The following GRM5 variants were observed in gnomAD, a reference collection of about 807,000 sequenced individuals.
The protein encoded by GRM5 is glutamate metabotropic receptor 5.
GRM5 carries 19 observed loss-of-function variants against 83.1 expected under a neutral mutation model. That is an observed-to-expected ratio of 0.23 (90% CI 0.16 to 0.34). The LOEUF (loss-of-function observed/expected upper bound fraction) is 0.34. GRM5 is among the 10% of genes least tolerant of loss of function. The probability of loss-of-function intolerance (pLI) is 1.00; values close to 1 mark genes in which losing one functional copy is unlikely to be tolerated. For missense variants in GRM5, 1,160 were observed against 1,588.3 expected, an observed-to-expected ratio of 0.73 and a Z score of 4.58; for synonymous variants, 675 against 633.6, an observed-to-expected ratio of 1.07 and a Z score of -0.98.
intron 2 of GRM5, among the ~76,000 whole-genome samples, chr11:88,938,231 T>A (rs963943286): frequency 6.6e-6 from 1 of 151,772 alleles, no homozygotes; most frequent in Non-Finnish European, 1.5e-5. Flanking sequence ...ATATTTATAA[T>A]GAGAAGTGTG....
intron 3 of GRM5, among the ~76,000 whole-genome samples, chr11:88,755,630 A>C (rs552080148): frequency 1.3e-5 from 2 of 152,292 alleles, no homozygotes; most frequent in South Asian, 2.1e-4. Flanking sequence ...GAATTGTAGT[A>C]TGCCTAAGCA....
At chr11:88,932,303 T>C (rs566341769) in intron 2 of GRM5, among the ~76,000 whole-genome samples, 161 of 152,186 alleles carry the variant, frequency 1.1e-3, no homozygotes, top group Non-Finnish European at 1.5e-3. Flanking sequence ...AAGAATCTTA[T>C]GTTAGTATAT....
intron 3 of GRM5, among the ~76,000 whole-genome samples, chr11:88,711,395 G>C (rs965928555): frequency 6.6e-6 from 1 of 151,996 alleles, no homozygotes; most frequent in Non-Finnish European, 1.5e-5. Flanking sequence ...CCAGGGCAAG[G>C]AAAAAGGGAG....
chr11:88,837,986 G>A (rs1318307746), intron 3 of GRM5, among the ~76,000 whole-genome samples: 3 of 149,188 alleles, frequency 2.0e-5, no homozygotes, highest in African/African-American at 7.4e-5. Context: ...TTGGGAGGCT[G>A]AGGCAGGAGA....
At chr11:88,644,179 T>C (rs997338879) in intron 4 of GRM5, among the ~76,000 whole-genome samples, 1 of 152,180 alleles carries the variant, frequency 6.6e-6, no homozygotes, top group African/African-American at 2.4e-5. Context: ...AGTTTGTACA[T>C]ACACACAAGA....
chr11:88,780,329 C>T (rs1942950019), intron 3 of GRM5, among the ~76,000 whole-genome samples: 1 of 152,088 alleles, frequency 6.6e-6, no homozygotes, highest in African/African-American at 2.4e-5. Context: ...TTTATAAATG[C>T]AACAAGTGCT....
At chr11:88,518,935 T>C (rs1304448243) in intron 9 of GRM5, among the ~76,000 whole-genome samples, 1 of 150,454 alleles carries the variant, frequency 6.6e-6, no homozygotes, top group South Asian at 2.1e-4. Flanking sequence ...TCTCACACTG[T>C]TGAGTACTGA....
intron 3 of GRM5, among the ~76,000 whole-genome samples, chr11:88,713,021 G>A (rs1216398020): frequency 6.6e-6 from 1 of 151,902 alleles, no homozygotes; most frequent in Non-Finnish European, 1.5e-5. Context: ...TTTACAAAAA[G>A]GAATAACTGC....
intron 2 of GRM5, among the ~76,000 whole-genome samples, chr11:88,887,194 C>G (rs1422724142): frequency 6.6e-6 from 1 of 152,122 alleles, no homozygotes; most frequent in African/African-American, 2.4e-5. Flanking sequence ...TGATACTGTC[C>G]CATCAGCAGG....
At chr11:88,783,401 C>T (rs1943009644) in intron 3 of GRM5, among the ~76,000 whole-genome samples, 1 of 151,972 alleles carries the variant, frequency 6.6e-6, no homozygotes, top group Non-Finnish European at 1.5e-5. Flanking sequence ...TTATTTATCA[C>T]ATACAAGATG....
chr11:88,997,136 C>T (rs1048258232), intron 2 of GRM5, among the ~76,000 whole-genome samples: 4 of 151,620 alleles, frequency 2.6e-5, no homozygotes, highest in Non-Finnish European at 5.9e-5. Context: ...ACCAGCCTGG[C>T]CAACATGGAG....
intron 3 of GRM5, among the ~76,000 whole-genome samples, chr11:88,738,526 T>TAATC (rs537133348): frequency 1.3e-4 from 20 of 152,244 alleles, no homozygotes; most frequent in Non-Finnish European, 2.5e-4. Flanking sequence ...TCATGATTCT[T>TAATC]AATCAGTCCA....
chr11:88,756,620 A>G (rs1205929404), intron 3 of GRM5, among the ~76,000 whole-genome samples: 1 of 152,184 alleles, frequency 6.6e-6, no homozygotes, highest in Non-Finnish European at 1.5e-5. Flanking sequence ...TATAAACTCT[A>G]AACTATAAAT....
At chr11:88,929,060 C>T (rs1176997395) in intron 2 of GRM5, among the ~76,000 whole-genome samples, 1 of 151,916 alleles carries the variant, frequency 6.6e-6, no homozygotes, top group Non-Finnish European at 1.5e-5. Context: ...AGTAAATTGA[C>T]ATATCTAAAT....
intron 3 of GRM5, among the ~76,000 whole-genome samples, chr11:88,774,287 G>A (rs1484675376): frequency 1.3e-5 from 2 of 151,980 alleles, no homozygotes; most frequent in African/African-American, 4.8e-5. Flanking sequence ...TGTGATTTTT[G>A]CACATTGATT....
At chr11:89,037,869 A>C (rs1941429929) in intron 2 of GRM5, among the ~76,000 whole-genome samples, 1 of 152,140 alleles carries the variant, frequency 6.6e-6, no homozygotes, top group Non-Finnish European at 1.5e-5. Context: ...GTCACTTTTA[A>C]ACTTTTAATT....
At chr11:88,774,114 C>T (rs184510507) in intron 3 of GRM5, among the ~76,000 whole-genome samples, 1 of 152,170 alleles carries the variant, frequency 6.6e-6, no homozygotes, top group Admixed American at 6.5e-5. Context: ...TGTTCATGTC[C>T]TCTTTTATTT....
chr11:88,648,663 A>G (rs969519376), intron 4 of GRM5, among the ~76,000 whole-genome samples: 2 of 151,880 alleles, frequency 1.3e-5, no homozygotes, highest in African/African-American at 2.4e-5. Context: ...TAAAAAAAAA[A>G]AAAGATTTTC....
At chr11:89,030,680 G>C (rs1941240857) in intron 2 of GRM5, among the ~76,000 whole-genome samples, 1 of 151,922 alleles carries the variant, frequency 6.6e-6, no homozygotes, top group Admixed American at 6.6e-5. Context: ...TAAAAACAAA[G>C]TCCTTAAGAT....
Sources: allele counts gnomAD v4.1 joint callset (sites outside exome capture counted in the v4.1 genomes callset), GRCh38; gene constraint gnomAD v4.1.1; transcripts MANE v1.5; gene names NCBI Gene and HGNC (gene_info 2026-07-23, HGNC 2026-07-21).